The following EVL variants were observed in gnomAD, a reference collection of about 807,000 sequenced individuals.
EVL encodes Enah/Vasp-like.
A neutral mutation model predicts 59.6 loss-of-function variants in EVL; 21 were observed. That is an observed-to-expected ratio of 0.35 (90% CI 0.25 to 0.51). The LOEUF (loss-of-function observed/expected upper bound fraction) is 0.51, where lower values mean the gene tolerates loss of function less well. Ranked by LOEUF, EVL falls within the 20% of genes least tolerant of loss-of-function variation. The probability of loss-of-function intolerance (pLI) is 0.97; values close to 1 mark genes in which losing one functional copy is unlikely to be tolerated. For synonymous variants in EVL, 198 were observed against 203.5 expected, an observed-to-expected ratio of 0.97 and a Z score of 0.23; for missense variants, 462 against 546.6, an observed-to-expected ratio of 0.85 and a Z score of 1.54.
chr14:100,087,904 T>C (rs1483745397), intron 2 of EVL, among the ~76,000 whole-genome samples: 1 of 152,044 alleles, frequency 6.6e-6, no homozygotes, highest in African/African-American at 2.4e-5. Context: ...CGGGATAATA[T>C]GGGGAACAAT....
chr14:99,983,566 C>G (rs1316604281), intron 1 of EVL, among the ~76,000 whole-genome samples: 1 of 152,184 alleles, frequency 6.6e-6, no homozygotes, highest in Non-Finnish European at 1.5e-5. Context: ...TGTCCTGGGC[C>G]TCTTCTTTAA....
At chr14:100,117,534 C>G (rs1022366191) in intron 3 of EVL, among the ~76,000 whole-genome samples, 3 of 152,206 alleles carry the variant, frequency 2.0e-5, no homozygotes, top group Admixed American at 1.3e-4. Context: ...GGGGTTGAAG[C>G]CTGGCTTAAC....
chr14:100,022,802 G>A (rs989109386), intron 1 of EVL, among the ~76,000 whole-genome samples: 1 of 152,198 alleles, frequency 6.6e-6, no homozygotes, highest in Non-Finnish European at 1.5e-5. Context: ...TATCCAGCTA[G>A]CTCGGCACAG....
At chr14:99,989,440 A>G (rs2060861610) in intron 1 of EVL, among the ~76,000 whole-genome samples, 1 of 152,166 alleles carries the variant, frequency 6.6e-6, no homozygotes, top group Admixed American at 6.5e-5. Context: ...AATCTGAGTT[A>G]ATATTTTCTT....
rs951044663 is a variant in EVL at position 100,130,822 on chromosome 14, G to A, written c.839+1138G>A. Among the ~76,000 whole-genome samples, 2 of 152,222 alleles carry A rather than the reference G, an allele frequency of 1.3e-5. No homozygotes were observed. The highest frequency in any genetic ancestry group is 4.8e-5 in the African/African-American group (2 of 41,448). ...GAGCAGCAAGGTGGATCCGCAGCACGGGCGTCTCCGGAGCCTCTACTGGGC... is the reference window on the plus strand; with the variant it reads ...GAGCAGCAAGGTGGATCCGCAGCACAGGCGTCTCCGGAGCCTCTACTGGGC... On this transcript the variant is annotated intron_variant, in intron 7 of 13. Coordinates refer to ENST00000392920, the MANE Select transcript of EVL (RefSeq NM_016337.3). This position sits in a 1 kb window ranked among gnomAD's most constrained non-coding sequence, Gnocchi z 4.8.
At chr14:100,096,450 C>G (rs1885817760) in intron 2 of EVL, among the ~76,000 whole-genome samples, 1 of 152,202 alleles carries the variant, frequency 6.6e-6, no homozygotes, top group South Asian at 2.1e-4. Flanking sequence ...TACCTTGTGC[C>G]AGGAGCTGTG....
At chr14:99,974,902 A>G (rs1301749527) in intron 1 of EVL, 1 of 152,436 alleles carries the variant, frequency 6.6e-6, no homozygotes, top group Non-Finnish European at 1.5e-5. Flanking sequence ...GGTTGCCCCC[A>G]GGAAAAAGTC....
chr14:100,133,027 C>T (rs1028621523), intron 8 of EVL, among the ~76,000 whole-genome samples: 2 of 152,154 alleles, frequency 1.3e-5, no homozygotes, highest in Non-Finnish European at 2.9e-5. Flanking sequence ...CAGCCTGAGG[C>T]GCTGGCCGCT....
chr14:100,108,612 A>G lies in EVL; in HGVS notation c.358+10954A>G, dbSNP rs1344494998. 2.0e-5 allele frequency among the ~76,000 whole-genome samples: 3 copies of G among 152,130 alleles called. No individual in the cohort carries two copies. Among genetic ancestry groups the G allele is most frequent in the African/African-American group, 7.2e-5 (3 of 41,416 alleles). On this transcript the variant is annotated intron_variant, in intron 3 of 13. Transcript: ENST00000392920. This position sits in a 1 kb window ranked among gnomAD's most constrained non-coding sequence, Gnocchi z 4.1. ...TTTGTACGCCTCCATGCCAACAGCT[A>G]CCCAAGTCGCACCGTCAGTCACACT... is the stretch of plus-strand genomic sequence containing the variant.
At position 100,143,817 on chromosome 14, in the gene EVL, C is replaced by T. The variant is rs898038545; in HGVS notation, c.*79C>T. On this transcript the variant is annotated 3_prime_UTR_variant, in exon 14 of 14. Transcript: ENST00000392920. ...CCAGAAGCCCAGCCAGCCCCAGACT[C>T]CAGTGCACCAGAGCACGCACAGGAG... 1.1e-5 allele frequency: 17 copies of T among 1,540,560 alleles called. No individual in the cohort carries two copies. The Admixed American group carries it at 1.3e-4, about 12-fold the overall frequency.
At chr14:100,097,796 G>T (rs1298191652) in intron 3 of EVL, 138 bp downstream of exon 3, 2 of 704,302 alleles carry the variant, frequency 2.8e-6, no homozygotes, top group Non-Finnish European at 4.5e-6. Flanking sequence ...AGAGAAACCT[G>T]CTGCCTGCCT....
chr14:100,011,447 G>A (rs1399534226), intron 1 of EVL, among the ~76,000 whole-genome samples: 1 of 152,122 alleles, frequency 6.6e-6, no homozygotes, highest in Non-Finnish European at 1.5e-5. Context: ...TGGTTTCATT[G>A]CTCTGAAATG....
At chr14:100,136,359 C>T (rs570115066) in intron 9 of EVL, among the ~76,000 whole-genome samples, 6 of 152,216 alleles carry the variant, frequency 3.9e-5, no homozygotes, top group Non-Finnish European at 7.3e-5. Flanking sequence ...CCCAGTGAAA[C>T]GCCAGCTGAT....
chr14:99,993,204 C>T (rs1160748737), intron 1 of EVL, among the ~76,000 whole-genome samples: 3 of 151,682 alleles, frequency 2.0e-5, no homozygotes, highest in East Asian at 3.9e-4. Flanking sequence ...ACTACAGGCA[C>T]GTGCCACCAC....
chr14:100,050,572 C>T (rs2061631284), intron 1 of EVL, among the ~76,000 whole-genome samples: 1 of 151,730 alleles, frequency 6.6e-6, no homozygotes, highest in Admixed American at 6.6e-5. Context: ...CTCCTGACCT[C>T]GTGATCCACC....
At chr14:100,024,216 A>T (rs1315293638) in intron 1 of EVL, among the ~76,000 whole-genome samples, 1 of 152,204 alleles carries the variant, frequency 6.6e-6, no homozygotes, top group African/African-American at 2.4e-5. Flanking sequence ...TATTAATTCA[A>T]ATTTATATCT....
At chr14:99,975,908 G>C (rs76032881) in intron 1 of EVL, among the ~76,000 whole-genome samples, 4,161 of 151,780 alleles carry the variant, frequency 0.027, 83 homozygotes, top group Non-Finnish European at 0.042. Flanking sequence ...CTTTATTCTG[G>C]TTATCTCCTT....
At chr14:100,131,816 G>A (rs1888454028) in intron 7 of EVL, among the ~76,000 whole-genome samples, 1 of 152,196 alleles carries the variant, frequency 6.6e-6, no homozygotes, top group South Asian at 2.1e-4. Context: ...ATAAGAAGCT[G>A]GTGTCAGGGA....
At chr14:100,132,585 C>T in intron 7 of EVL, 134 bp from the exon 8 acceptor site, 1 of 1,009,594 alleles carries the variant, frequency 9.9e-7, no homozygotes, top group Non-Finnish European at 1.6e-6. Context: ...CAAGCCGCCT[C>T]CTTCACGCCA....
Sources: allele counts gnomAD v4.1 joint callset (sites outside exome capture counted in the v4.1 genomes callset), GRCh38; gene constraint gnomAD v4.1.1; non-coding constraint Gnocchi (gnomAD v3.1); transcripts MANE v1.5; gene names NCBI Gene and HGNC (gene_info 2026-07-23, HGNC 2026-07-21).